Variants in NID2 observed in about 807,000 individuals in gnomAD.
NID2 encodes the protein nidogen-2.
A neutral mutation model predicts 145.4 loss-of-function variants in NID2; 83 were observed. The observed-to-expected ratio is 0.57, with a 90% CI of 0.48 to 0.69. The LOEUF (loss-of-function observed/expected upper bound fraction) is 0.69. Among genes scored for constraint, NID2 ranks in the 30% least tolerant of loss-of-function variants. The probability of loss-of-function intolerance (pLI) is 0.00; values close to 1 mark genes in which losing one functional copy is unlikely to be tolerated. For synonymous variants in NID2, 739 were observed against 701.3 expected (o/e 1.05, Z -0.85); for missense variants, 1,807 against 1,765.7 (o/e 1.02, Z -0.42).
chr14:52,015,378 C>A (rs907865808), intron 14 of NID2, 103 bp from the exon 15 acceptor site: 15 of 1,094,230 alleles, frequency 1.4e-5, no homozygotes, highest in African/African-American at 3.2e-5. Context: ...CCTGGCCTTC[C>A]TTCTCCTACT....
At chr14:52,062,219 C>T (rs192420932) in intron 2 of NID2, among the ~76,000 whole-genome samples, 104 of 152,308 alleles carry the variant, frequency 6.8e-4, no homozygotes, top group African/African-American at 1.7e-3. Flanking sequence ...AAATAAAATA[C>T]AATCAGCAGT....
chr14:52,014,856 G>A (rs546705932), intron 15 of NID2, among the ~76,000 whole-genome samples, 198 bp downstream of exon 15: 17 of 152,258 alleles, frequency 1.1e-4, no homozygotes, highest in African/African-American at 4.1e-4. Context: ...AATTATGGAA[G>A]CTGCTAATGA....
At chr14:52,057,373 G>A (rs765989727) in intron 3 of NID2, among the ~76,000 whole-genome samples, 1 of 152,128 alleles carries the variant, frequency 6.6e-6, no homozygotes, top group Non-Finnish European at 1.5e-5. Context: ...AAGGCATTTA[G>A]CAATGAACTG....
At position 52,029,564 on chromosome 14, in the gene NID2, T is replaced by C; in HGVS notation, c.2384A>G (p.Asp795Gly). 1 of 1,612,946 alleles carries C rather than the reference T, an allele frequency of 6.2e-7. No homozygotes were observed. The highest frequency in any genetic ancestry group is 8.5e-7 in the Non-Finnish European group (1 of 1,179,082). ...TCECASGYQG[D>G]GRNCVDENEC... ...GCTCTTACCCACACAGTTCCGTCCA[T>C]CTCCCTGGTACCCAGATGCGCACTC... The change falls in exon 10 of 22, where the codon GAT becomes GGT. Residue 795 changes from aspartate to glycine, a missense_variant. Asp to Gly is a moderately conservative substitution (Grantham distance 94). Coordinates refer to ENST00000216286, the MANE Select transcript of NID2 (RefSeq NM_007361.4).
At chr14:52,045,947 C>T (rs1043831902) in intron 5 of NID2, among the ~76,000 whole-genome samples, 2 of 152,210 alleles carry the variant, frequency 1.3e-5, no homozygotes, top group African/African-American at 4.8e-5. Flanking sequence ...ACCTCTTCCT[C>T]ACCCCTGCAT....
Position 52,038,963 on chromosome 14 carries a change from T to C in NID2, c.2041A>G (p.Ser681Gly), listed in dbSNP as rs764783962. ...HYSDSTVTST[S>G]SRDYSLTFGA... The stretch of plus-strand genomic sequence containing the variant: ...AAAGTCAGAGAGTAGTCTCTGGAAC[T>C]TGTAGAGGTCACAGCTGCAACAAAC... Residue 681 changes from serine to glycine, a missense_variant, in exon 9 of 22, where the codon AGT becomes GGT. Ser to Gly is a moderately conservative substitution (Grantham distance 56). Coordinates refer to ENST00000216286, the MANE Select transcript of NID2 (RefSeq NM_007361.4). 5.8e-5 allele frequency: 93 copies of C among 1,612,224 alleles called. No homozygotes were observed. In the East Asian group the frequency reaches 1.8e-3, roughly 32 times the overall value.
At chr14:52,040,501 G>A (rs1029837572) in intron 8 of NID2, 150 bp downstream of exon 8, 21 of 663,488 alleles carry the variant, frequency 3.2e-5, no homozygotes, top group African/African-American at 2.7e-4. Flanking sequence ...ATATTTCATG[G>A]TAACAATAAG....
chr14:52,039,393 C>T (rs1026153602), intron 8 of NID2, among the ~76,000 whole-genome samples: 1 of 152,202 alleles, frequency 6.6e-6, no homozygotes, highest in African/African-American at 2.4e-5. Flanking sequence ...TGGTTTGACT[C>T]TACACCCTAA....
intron 11 of NID2, among the ~76,000 whole-genome samples, chr14:52,028,104 A>G (rs1018750515): frequency 1.3e-5 from 2 of 152,198 alleles, no homozygotes; most frequent in Admixed American, 1.3e-4. Context: ...CTATCTAAAG[A>G]GCTGGAGGTG....
At chr14:52,042,683 T>C in intron 6 of NID2, 99 bp downstream of exon 6, 1 of 1,201,828 alleles carries the variant, frequency 8.3e-7, no homozygotes, top group Non-Finnish European at 1.2e-6. Context: ...ATTTAAGTAG[T>C]GGAGATGTTT....
At chr14:52,035,170 G>C (rs1471988131) in intron 9 of NID2, among the ~76,000 whole-genome samples, 2 of 152,114 alleles carry the variant, frequency 1.3e-5, no homozygotes, top group Non-Finnish European at 2.9e-5. Flanking sequence ...GTGTTGGACA[G>C]TTCTATAGAC....
At chr14:52,042,638 C>A (rs1256105024) in intron 6 of NID2, 144 bp downstream of exon 6, 11 of 884,132 alleles carry the variant, frequency 1.2e-5, no homozygotes, top group Non-Finnish European at 1.6e-5. Context: ...ATTCCTCACA[C>A]ATTTATTGAG....
At chr14:52,049,849 T>C (rs2749885) in intron 5 of NID2, among the ~76,000 whole-genome samples, 38,509 of 152,108 alleles carry the variant, frequency 0.25, 5,456 homozygotes, top group East Asian at 0.51. Context: ...GGCCCTACCA[T>C]GGAATCTCCT....
At chr14:52,027,459 A>C in intron 11 of NID2, 115 bp from the exon 12 acceptor site, 3 of 857,920 alleles carry the variant, frequency 3.5e-6, no homozygotes, top group Non-Finnish European at 5.0e-6. Flanking sequence ...GCAGGTTCTC[A>C]GACCCTACCC....
chr14:52,015,950 C>T (rs1450655570), intron 14 of NID2, among the ~76,000 whole-genome samples: 1 of 152,178 alleles, frequency 6.6e-6, no homozygotes. Context: ...TTCCACAGCC[C>T]AGTTTCCAGA....
intron 9 of NID2, among the ~76,000 whole-genome samples, chr14:52,037,347 G>A (rs556415921): frequency 1.3e-5 from 2 of 152,170 alleles, no homozygotes; most frequent in African/African-American, 2.4e-5. Flanking sequence ...ACAACGTGCA[G>A]GTTTGTTACA....
At chr14:52,014,260 G>T (rs1278448700) in intron 16 of NID2, 27 bp downstream of exon 16, 1 of 1,613,956 alleles carries the variant, frequency 6.2e-7, no homozygotes, top group Non-Finnish European at 8.5e-7. Flanking sequence ...ACGCAGCCCT[G>T]CCCCCTACAG....
At chr14:52,023,279 C>A (rs1251500145) in intron 12 of NID2, among the ~76,000 whole-genome samples, 1 of 151,910 alleles carries the variant, frequency 6.6e-6, no homozygotes, top group Non-Finnish European at 1.5e-5. Context: ...GAGTTTGAGA[C>A]AAGCCTGGGC....
intron 5 of NID2, among the ~76,000 whole-genome samples, chr14:52,046,341 A>AAAGC (rs33978626): frequency 0.22 from 26,475 of 122,996 alleles, 5,472 homozygotes; most frequent in East Asian, 0.52. Context: ...AAAAAAAAAA[A>AAAGC]AGCCGTTTTC....
Sources: allele counts gnomAD v4.1 joint callset (sites outside exome capture counted in the v4.1 genomes callset), GRCh38; gene constraint gnomAD v4.1.1; transcripts MANE v1.5; gene names NCBI Gene and HGNC (gene_info 2026-07-23, HGNC 2026-07-21).